MEF2C: variants seen among roughly 807,000 people sequenced by gnomAD.
MEF2C encodes the protein myocyte enhancer factor 2C.
Under a neutral mutation model 50.5 loss-of-function variants are expected in MEF2C, and 6 were observed. The ratio of observed to expected loss-of-function variants is 0.12; its 90% confidence interval spans 0.07 to 0.23. MEF2C has a LOEUF of 0.23. MEF2C is among the 10% of genes least tolerant of loss of function. The pLI, the probability that MEF2C is intolerant of heterozygous loss-of-function variation, is 1.00. For missense variants in MEF2C, 276 were observed against 605.0 expected, an observed-to-expected ratio of 0.46 and a Z score of 5.70; for synonymous variants, 183 against 228.0, an observed-to-expected ratio of 0.80 and a Z score of 1.78.
intron 2 of MEF2C, among the ~76,000 whole-genome samples, chr5:88,806,201 T>G (rs1316026649): frequency 6.6e-6 from 1 of 152,180 alleles, no homozygotes; most frequent in Non-Finnish European, 1.5e-5. Flanking sequence ...GCTACTGTTT[T>G]CAGAATGAAT....
intron 1 of MEF2C, among the ~76,000 whole-genome samples, chr5:88,869,251 T>TCATATATATATATATATATATATATATA (rs1828400254): frequency 1.3e-5 from 1 of 76,096 alleles, no homozygotes; most frequent in Non-Finnish European, 2.6e-5. Flanking sequence ...AAACTAGTTT[T>TCATATATATATATATATATATATATATA]CATATATATA....
rs915082177 is a variant in MEF2C at position 88,780,946 on chromosome 5, A to G, written c.259-19618T>C. ...CAAAGGGGACACCAGGAAATAAATT[A>G]TATCCTAATGCTATCTACCAGAGTT... On this transcript the variant is annotated intron_variant, in intron 3 of 10. Transcript: ENST00000504921. The G allele has an allele frequency of 4.1e-6, 4 of 985,116 alleles. No homozygotes were observed. The African/African-American group carries it at 7.0e-5, about 17-fold the overall frequency. 61.0% of individuals were successfully genotyped at this position (985,116 alleles called of 1,614,324 possible).
intron 1 of MEF2C, among the ~76,000 whole-genome samples, chr5:88,891,853 T>C (rs187924447): frequency 6.6e-6 from 1 of 152,348 alleles, no homozygotes; most frequent in African/African-American, 2.4e-5. Flanking sequence ...TTGTTTTTAA[T>C]GCCATGTTTG....
intron 1 of MEF2C, among the ~76,000 whole-genome samples, chr5:88,892,954 C>T (rs1022797837): frequency 3.3e-5 from 5 of 152,134 alleles, no homozygotes; most frequent in South Asian, 2.1e-4. Context: ...CCTAATGGAG[C>T]GTTCTGTTCA....
chr5:88,895,469 C>T (rs1396761322), intron 1 of MEF2C, among the ~76,000 whole-genome samples: 2 of 152,132 alleles, frequency 1.3e-5, no homozygotes, highest in Non-Finnish European at 2.9e-5. Context: ...TTACCTCAGA[C>T]ATCTTCTAAA....
chr5:88,788,388 T>C (rs1792079154), intron 3 of MEF2C, among the ~76,000 whole-genome samples: 1 of 151,790 alleles, frequency 6.6e-6, no homozygotes, highest in Non-Finnish European at 1.5e-5. Context: ...TTTTGTATTT[T>C]TAGTAGAGAT....
chr5:88,818,938 A>G (rs1381626469), intron 2 of MEF2C, among the ~76,000 whole-genome samples: 1 of 152,082 alleles, frequency 6.6e-6, no homozygotes, highest in African/African-American at 2.4e-5. Context: ...AATAGCTAAT[A>G]GGTAAATTTA....
At chr5:88,874,447 T>C (rs1830472555) in intron 1 of MEF2C, among the ~76,000 whole-genome samples, 1 of 152,008 alleles carries the variant, frequency 6.6e-6, no homozygotes, top group Admixed American at 6.6e-5. Flanking sequence ...TCAGAAAGTA[T>C]TGACTCATAT....
intron 6 of MEF2C, chr5:88,734,462 A>C (rs1029810312): frequency 3.0e-6 from 3 of 984,900 alleles, no homozygotes; most frequent in Admixed American, 1.2e-4. Context: ...TTTTGCTAAA[A>C]GGAAGTAAAA....
chr5:88,871,961 C>T lies in MEF2C; in HGVS notation c.-143+10994G>A, dbSNP rs371705158. ...ATATTTTCTTTTCAAATAAAAAATG[C>T]ATTTCATCTTTATGGGAAAATACAA... is the stretch of plus-strand genomic sequence containing the variant. On this transcript the variant is annotated intron_variant, in intron 1 of 10. Coordinates refer to ENST00000504921, the MANE Select transcript of MEF2C (RefSeq NM_002397.5). Among the ~76,000 whole-genome samples, 4 of 151,952 alleles carry T rather than the reference C, an allele frequency of 2.6e-5. No individual in the cohort carries two copies. The East Asian group carries it at 5.8e-4, about 22-fold the overall frequency.
chr5:88,757,318 G>A (rs1775804148), intron 4 of MEF2C, among the ~76,000 whole-genome samples: 1 of 152,006 alleles, frequency 6.6e-6, no homozygotes, highest in African/African-American at 2.4e-5. Context: ...TTTATTTAAT[G>A]TGAGTGATTG....
Position 88,742,382 on chromosome 5 carries a change from G to T in MEF2C, c.637+6688C>A, listed in dbSNP as rs572330466. The T allele has an allele frequency of 9.3e-5, 92 of 984,496 alleles. No individual in the cohort carries two copies. The African/African-American group carries it at 1.5e-3, about 16-fold the overall frequency. The allele number at this position is 984,496 out of a possible 1,614,324, so 61.0% of individuals were successfully genotyped here. ...TCTGAATAAAACTAGTATTTCAGGG[G>T]GAAATATTAACGGCTTGAATTTAAT... On this transcript the variant is annotated intron_variant, in intron 6 of 10. Coordinates refer to ENST00000504921, the MANE Select transcript of MEF2C (RefSeq NM_002397.5).
chr5:88,841,465 C>T (rs776660520), intron 1 of MEF2C, among the ~76,000 whole-genome samples: 10 of 132,542 alleles, frequency 7.5e-5, no homozygotes, highest in Non-Finnish European at 1.4e-4. Flanking sequence ...TGTGGTTGCA[C>T]AACTGCACCT....
intron 1 of MEF2C, among the ~76,000 whole-genome samples, chr5:88,833,847 T>G (rs920097390): frequency 1.3e-5 from 2 of 152,156 alleles, no homozygotes; most frequent in African/African-American, 2.4e-5. Context: ...AAGGGAGAAC[T>G]GGGTACTGTG....
At chr5:88,858,791 C>T (rs890482585) in intron 1 of MEF2C, among the ~76,000 whole-genome samples, 1 of 152,120 alleles carries the variant, frequency 6.6e-6, no homozygotes, top group African/African-American at 2.4e-5. Flanking sequence ...ATAAAAAACG[C>T]TATTTTTAAA....
At chr5:88,813,618 C>A (rs1289372157) in intron 2 of MEF2C, among the ~76,000 whole-genome samples, 2 of 152,098 alleles carry the variant, frequency 1.3e-5, no homozygotes, top group Non-Finnish European at 2.9e-5. Context: ...TGAGGCCCAA[C>A]TGCAAATTGC....
chr5:88,832,437 T>G (rs1338931967), intron 1 of MEF2C, among the ~76,000 whole-genome samples: 3 of 152,154 alleles, frequency 2.0e-5, no homozygotes, highest in African/African-American at 4.8e-5. Context: ...TTTCTTACCC[T>G]TAATTTCTGC....
intron 1 of MEF2C, among the ~76,000 whole-genome samples, chr5:88,829,297 TCA>T (rs896061039): frequency 1.3e-5 from 2 of 151,922 alleles, no homozygotes; most frequent in Non-Finnish European, 2.9e-5. Context: ...TGTCTCAGCT[TCA>T]GTTTCACCTC....
At chr5:88,886,524 T>A (rs1466674960), upstream of MEF2C, among the ~76,000 whole-genome samples, 1 of 152,224 alleles carries the variant, frequency 6.6e-6, no homozygotes, top group African/African-American at 2.4e-5. Context: ...TTCTGTAACC[T>A]ATTCCAGTTC....
Sources: gnomAD v4.1 joint callset for allele counts (sites outside exome capture counted in the v4.1 genomes callset) on GRCh38, gnomAD v4.1.1 for gene constraint, MANE v1.5 for transcripts, NCBI Gene and HGNC (gene_info 2026-07-23, HGNC 2026-07-21) for gene names.